VPS13A: variants seen among roughly 807,000 people sequenced by gnomAD.
The protein encoded by VPS13A is vacuolar protein sorting 13 homolog A, also known as intermembrane lipid transfer protein VPS13A.
A neutral mutation model predicts 390.9 loss-of-function variants in VPS13A; 264 were observed. The ratio of observed to expected loss-of-function variants is 0.68; its 90% confidence interval spans 0.61 to 0.75. The LOEUF (loss-of-function observed/expected upper bound fraction) is 0.75, where lower values mean the gene tolerates loss of function less well. Among genes scored for constraint, VPS13A ranks in the 30% least tolerant of loss-of-function variants. The pLI is 0.00. For synonymous variants in VPS13A, 1,231 were observed against 1,227.1 expected, an observed-to-expected ratio of 1.00 and a Z score of -0.07; for missense variants, 3,409 against 3,733.9, an observed-to-expected ratio of 0.91 and a Z score of 2.27.
At chr9:77,250,045 C>T (rs1437797875) in intron 20 of VPS13A, 52 bp from the exon 21 acceptor site, 3 of 1,594,168 alleles carry the variant, frequency 1.9e-6, no homozygotes, top group African/African-American at 1.3e-5. Context: ...ACACTTTATA[C>T]TTACATTTTG....
intron 22 of VPS13A, among the ~76,000 whole-genome samples, chr9:77,258,325 G>T (rs918982652): frequency 6.6e-6 from 1 of 152,152 alleles, no homozygotes; most frequent in South Asian, 2.1e-4. Flanking sequence ...GTACTAGGAA[G>T]AATAGAGGGA....
At chr9:77,351,251 T>C (rs572215384) in intron 52 of VPS13A, 66 bp from the exon 53 acceptor site, 2 of 1,585,306 alleles carry the variant, frequency 1.3e-6, no homozygotes, top group African/African-American at 1.3e-5. Context: ...AGTATTATTT[T>C]AGTTTTTTTT....
Position 77,339,733 on chromosome 9 carries a change from AT to A in VPS13A, c.6597del (p.His2199GlnfsTer2). 6.2e-7 allele frequency: 1 copy of A among 1,614,106 alleles called. No homozygotes were observed. Among genetic ancestry groups the A allele is most frequent in the Non-Finnish European group, 8.5e-7 (1 of 1,179,990 alleles). The part of the protein sequence containing the change: ...MEKTDLDIAV[H>X]MTYNTGQTVV... ...AAGACTGATTTAGATATTGCTGTCCATATGACTTACAATACTGGTCAGACAG... is the reference window on the plus strand; with the variant it reads ...AAGACTGATTTAGATATTGCTGTCCAATGACTTACAATACTGGTCAGACAG... On this transcript the variant is annotated frameshift_variant, in exon 48 of 72. Transcript: ENST00000360280. LOFTEE classifies it high-confidence loss of function.
chr9:77,323,610 A>G (rs1829860805), intron 45 of VPS13A, among the ~76,000 whole-genome samples: 1 of 152,182 alleles, frequency 6.6e-6, no homozygotes, highest in Admixed American at 6.5e-5. Flanking sequence ...GCATATATTT[A>G]AAGTTGATGA....
intron 52 of VPS13A, among the ~76,000 whole-genome samples, chr9:77,346,929 A>G (rs937434243): frequency 3.9e-5 from 6 of 152,124 alleles, no homozygotes; most frequent in African/African-American, 1.4e-4. Flanking sequence ...TAGTCCCTTC[A>G]CTAGAATAAG....
Position 77,420,051 on chromosome 9 carries a change from G to A in VPS13A, c.*4045G>A, listed in dbSNP as rs1288555835. On this transcript the variant is annotated 3_prime_UTR_variant, in exon 72 of 72. Coordinates refer to ENST00000360280, the MANE Select transcript of VPS13A (RefSeq NM_033305.3). ...AGACTTAGTCAATCTGATTTTTTTTGGTGCTTTTCAGTATAGCGCAACTCT... is the reference window on the plus strand; with the variant it reads ...AGACTTAGTCAATCTGATTTTTTTTAGTGCTTTTCAGTATAGCGCAACTCT... 6.6e-6 allele frequency: 1 copy of A among 151,798 alleles called. No individual in the cohort carries two copies. The highest frequency in any genetic ancestry group is 1.5e-5 in the Non-Finnish European group (1 of 67,944). The allele number at this position is 151,798 out of a possible 1,614,324, so 9.4% of individuals were successfully genotyped here.
rs773150298 is a variant in VPS13A at position 77,205,347 on chromosome 9, T to C, written c.222T>C (p.Leu74=). ...AACTTATAATTCCATGGAAAAACCT[T>C]TATACTCAACCTGTTGAAGCCGTAT... ...NLKLIIPWKN[L]YTQPVEAVLE... Residue 74 remains leucine, a synonymous_variant, in exon 4 of 72, where the codon CTT becomes CTC. Coordinates refer to ENST00000360280, the MANE Select transcript of VPS13A (RefSeq NM_033305.3). The C allele has an allele frequency of 6.6e-7, 1 of 1,525,566 alleles. No individual in the cohort carries two copies. Among genetic ancestry groups the C allele is most frequent in the Non-Finnish European group, 8.8e-7 (1 of 1,131,944 alleles). 94.5% of individuals were successfully genotyped at this position (1,525,566 alleles called of 1,614,324 possible).
At chr9:77,333,426 ATTTTTTTTTT>A (rs34369162) in intron 46 of VPS13A, among the ~76,000 whole-genome samples, 1 of 107,668 alleles carries the variant, frequency 9.3e-6, no homozygotes, top group Admixed American at 1.1e-4. Context: ...CTCATTAGGC[ATTTTTTTTTT>A]TTTTTTTTTT....
chr9:77,339,248 C>T (rs1463990804), intron 47 of VPS13A: 3 of 414,338 alleles, frequency 7.2e-6, no homozygotes, highest in Non-Finnish European at 1.3e-5. Flanking sequence ...GGGAGTTTCC[C>T]ATTATGTTAT....
chr9:77,393,206 A>G (rs913169340), intron 68 of VPS13A, among the ~76,000 whole-genome samples: 2 of 152,184 alleles, frequency 1.3e-5, no homozygotes, highest in African/African-American at 2.4e-5. Context: ...ATAAGAAGCA[A>G]TTTCTCCTTT....
At chr9:77,295,498 GTATT>G (rs1176080121) in intron 32 of VPS13A, 40 bp from the exon 33 acceptor site, 25 of 1,458,128 alleles carry the variant, frequency 1.7e-5, no homozygotes, top group Non-Finnish European at 2.2e-5. Context: ...TTAATAAGTC[GTATT>G]TATTAATAAC....
chr9:77,190,196 A>C (rs2889764), intron 1 of VPS13A, among the ~76,000 whole-genome samples: 152,286 of 152,298 alleles, frequency 1, 76,137 homozygotes, highest in Middle Eastern at 1. Context: ...ATACTTCCAG[A>C]TTTTGCTCAT....
chr9:77,306,470 G>A (rs907499926), intron 34 of VPS13A, among the ~76,000 whole-genome samples: 1 of 149,474 alleles, frequency 6.7e-6, no homozygotes, highest in Non-Finnish European at 1.5e-5. Context: ...AAAAGGGAGA[G>A]ACTTATTTTA....
At chr9:77,202,974 A>G (rs935574415) in intron 3 of VPS13A, among the ~76,000 whole-genome samples, 8 of 152,142 alleles carry the variant, frequency 5.3e-5, no homozygotes, top group African/African-American at 1.9e-4. Context: ...CACTTAGCAC[A>G]TTACTTGGTA....
Position 77,402,779 on chromosome 9 carries a change from G to A in VPS13A, c.9190-457G>A, listed in dbSNP as rs577721864. On this transcript the variant is annotated intron_variant, in intron 68 of 71. Transcript: ENST00000360280. ...CTCTTTATTTTTTACTAAGTTGTGA[G>A]ATTGACAAAGAAAAGCATATTTGTT... Among the ~76,000 whole-genome samples, 3 of 152,274 alleles carry A rather than the reference G, an allele frequency of 2.0e-5. No individual in the cohort carries two copies. The South Asian group carries it at 6.2e-4, about 32-fold the overall frequency.
intron 71 of VPS13A, among the ~76,000 whole-genome samples, chr9:77,411,577 G>A (rs1302748354): frequency 1.4e-5 from 2 of 146,094 alleles, no homozygotes; most frequent in Non-Finnish European, 1.5e-5. Flanking sequence ...GCAGGAGAAT[G>A]GCATGAACCT....
At chr9:77,391,040 A>C (rs1833878002) in intron 68 of VPS13A, among the ~76,000 whole-genome samples, 1 of 152,220 alleles carries the variant, frequency 6.6e-6, no homozygotes, top group African/African-American at 2.4e-5. Flanking sequence ...TTTGAGTCTT[A>C]CATCTTTTTA....
intron 67 of VPS13A, among the ~76,000 whole-genome samples, chr9:77,375,544 A>G (rs1420016992): frequency 6.6e-6 from 1 of 152,214 alleles, no homozygotes; most frequent in African/African-American, 2.4e-5. Flanking sequence ...TTAGGTAATG[A>G]TAAAAAGAAC....
intron 17 of VPS13A, among the ~76,000 whole-genome samples, 176 bp from the exon 18 acceptor site, chr9:77,237,826 G>A (rs1824242484): frequency 6.6e-6 from 1 of 152,070 alleles, no homozygotes; most frequent in Admixed American, 6.6e-5. Context: ...AGGATTCTTT[G>A]TGAATTAATC....
Sources: allele counts gnomAD v4.1 joint callset (sites outside exome capture counted in the v4.1 genomes callset), GRCh38; gene constraint gnomAD v4.1.1; transcripts MANE v1.5; gene names NCBI Gene and HGNC (gene_info 2026-07-23, HGNC 2026-07-21).